The following FAM184B variants were observed in gnomAD, a reference collection of about 807,000 sequenced individuals.
FAM184B encodes the protein family with sequence similarity 184 member B, also known as protein FAM184B.
A neutral mutation model predicts 135.9 loss-of-function variants in FAM184B; 111 were observed. That is an observed-to-expected ratio of 0.82 (90% CI 0.70 to 0.96). The LOEUF (loss-of-function observed/expected upper bound fraction) is 0.96, where lower values mean the gene tolerates loss of function less well. Among genes scored for constraint, FAM184B ranks in the 40% least tolerant of loss-of-function variants. The probability of loss-of-function intolerance (pLI) is 0.00; values close to 1 mark genes in which losing one functional copy is unlikely to be tolerated. For synonymous variants in FAM184B, 552 were observed against 524.8 expected (o/e 1.05, Z -0.71); for missense variants, 1,375 against 1,323.9 (o/e 1.04, Z -0.60).
At chr4:17,657,721 G>A (rs1715810258) in intron 10 of FAM184B, among the ~76,000 whole-genome samples, 1 of 136,706 alleles carries the variant, frequency 7.3e-6, no homozygotes, top group South Asian at 2.3e-4. Flanking sequence ...CAATGGCATA[G>A]TCTTGGCTCA....
chr4:17,769,828 A>AG (rs1277855660), intron 1 of FAM184B, among the ~76,000 whole-genome samples: 3 of 152,214 alleles, frequency 2.0e-5, no homozygotes, highest in African/African-American at 7.2e-5. Context: ...GCACTGTTCT[A>AG]GGCACTGGGG....
chr4:17,659,294 A>G (rs1178231242), intron 9 of FAM184B, among the ~76,000 whole-genome samples: 1 of 151,568 alleles, frequency 6.6e-6, no homozygotes, highest in East Asian at 2.0e-4. Context: ...TTTTGTAGAG[A>G]CAGAGTCTTG....
chr4:17,746,529 G>A (rs1284690578), intron 1 of FAM184B, among the ~76,000 whole-genome samples: 4 of 151,458 alleles, frequency 2.6e-5, no homozygotes, highest in South Asian at 4.2e-4. Context: ...TCAGGAGGTC[G>A]AGACCATCCT....
chr4:17,664,729 A>G, intron 7 of FAM184B, 70 bp from the exon 8 acceptor site: 1 of 1,277,608 alleles, frequency 7.8e-7, no homozygotes. Context: ...TCATGATTCA[A>G]CCTGTGGCTT....
intron 7 of FAM184B, among the ~76,000 whole-genome samples, chr4:17,672,297 C>G (rs1045097548): frequency 6.6e-6 from 1 of 152,032 alleles, no homozygotes; most frequent in South Asian, 2.1e-4. Flanking sequence ...CCTGGGAAAA[C>G]CCTCCTTCAA....
intron 10 of FAM184B, among the ~76,000 whole-genome samples, chr4:17,657,872 G>T (rs1411786582): frequency 6.6e-6 from 1 of 152,008 alleles, no homozygotes; most frequent in African/African-American, 2.4e-5. Flanking sequence ...GGTCAGGCTG[G>T]TCTCGGACTG....
chr4:17,755,385 T>C (rs1366892608), intron 1 of FAM184B, among the ~76,000 whole-genome samples: 2 of 151,998 alleles, frequency 1.3e-5, no homozygotes, highest in African/African-American at 2.4e-5. Context: ...GTCAGAATGG[T>C]GATTATTAAA....
chr4:17,688,349 G>T, intron 7 of FAM184B, 75 bp downstream of exon 7: 1 of 1,090,068 alleles, frequency 9.2e-7, no homozygotes, highest in Non-Finnish European at 1.3e-6. Context: ...ATCAGCATGT[G>T]TTACTGGGGA....
intron 1 of FAM184B, among the ~76,000 whole-genome samples, chr4:17,766,194 G>T (rs1005093151): frequency 6.6e-6 from 1 of 152,230 alleles, no homozygotes; most frequent in African/African-American, 2.4e-5. Flanking sequence ...ACATCCTGCT[G>T]ATTGGTCCAT....
intron 12 of FAM184B, among the ~76,000 whole-genome samples, chr4:17,643,401 G>A (rs1715379626): frequency 6.6e-6 from 1 of 152,066 alleles, no homozygotes; most frequent in African/African-American, 2.4e-5. Flanking sequence ...AGAGGGTTCA[G>A]GGCTTCCCTC....
intron 9 of FAM184B, 118 bp downstream of exon 9, chr4:17,659,840 G>A: frequency 7.5e-7 from 1 of 1,334,196 alleles, no homozygotes; most frequent in Non-Finnish European, 1.0e-6. Context: ...CTTTGCCCTG[G>A]TCCTGTAATG....
chr4:17,780,411 C>G (rs572922541), intron 1 of FAM184B, among the ~76,000 whole-genome samples: 1 of 152,260 alleles, frequency 6.6e-6, no homozygotes, highest in African/African-American at 2.4e-5. Context: ...TCCATCTAGA[C>G]AAGGCACAGA....
intron 7 of FAM184B, among the ~76,000 whole-genome samples, chr4:17,668,870 T>A (rs891886426): frequency 6.6e-6 from 1 of 152,170 alleles, no homozygotes; most frequent in African/African-American, 2.4e-5. Flanking sequence ...TACTTATTGA[T>A]CACTTACTAT....
intron 1 of FAM184B, among the ~76,000 whole-genome samples, chr4:17,771,387 T>C (rs1003211756): frequency 8.5e-5 from 13 of 152,138 alleles, no homozygotes; most frequent in African/African-American, 2.9e-4. Context: ...GACATTCAAC[T>C]TAAGGTGCAC....
chr4:17,778,472 C>A (rs56100703), intron 1 of FAM184B, among the ~76,000 whole-genome samples: 35,203 of 152,058 alleles, frequency 0.23, 4,245 homozygotes, highest in South Asian at 0.31. Context: ...CCAAAGGGAA[C>A]ACTGTAGATT....
rs539154232 is a variant in FAM184B, at chr4:17,664,533, C to A, written c.1694+29G>T. 10 of 1,445,846 alleles carry A rather than the reference C, an allele frequency of 6.9e-6. No individual in the cohort carries two copies. The East Asian group carries it at 2.5e-4, about 36-fold the overall frequency. The allele number at this position is 1,445,846 out of a possible 1,614,324, so 89.6% of individuals were successfully genotyped here. A position where few individuals can be genotyped will look rare whatever the true frequency, so the allele number is the denominator to read the frequency against. On this transcript the variant is annotated intron_variant, in intron 8 of 17. Transcript: ENST00000265018. ...ACATCTGAGTCCTCATTCAATGGAG[C>A]ACTCAGAAGTCTGCATGTCCTCCTG...
chr4:17,721,297 T>C (rs1717520769), intron 1 of FAM184B, among the ~76,000 whole-genome samples: 1 of 142,856 alleles, frequency 7.0e-6, no homozygotes. Flanking sequence ...GGCAGGAGAA[T>C]GGCGTGAACC....
intron 1 of FAM184B, among the ~76,000 whole-genome samples, chr4:17,745,053 C>A (rs1393503815): frequency 6.6e-6 from 1 of 152,212 alleles, no homozygotes; most frequent in South Asian, 2.1e-4. Context: ...CCTCTTCTGA[C>A]CTGCTTAGTG....
intron 12 of FAM184B, among the ~76,000 whole-genome samples, chr4:17,647,169 A>G (rs1301870737): frequency 6.6e-6 from 1 of 150,836 alleles, no homozygotes; most frequent in African/African-American, 2.4e-5. Context: ...CAGGCCCACC[A>G]AGTATCCCAC....
Sources: gnomAD v4.1 joint callset for allele counts (sites outside exome capture counted in the v4.1 genomes callset) on GRCh38, gnomAD v4.1.1 for gene constraint, MANE v1.5 for transcripts, NCBI Gene and HGNC (gene_info 2026-07-23, HGNC 2026-07-21) for gene names.